The following GFRA3 variants were observed in gnomAD, a reference collection of about 807,000 sequenced individuals.
The protein encoded by GFRA3 is GDNF family receptor alpha-3.
Under a neutral mutation model 40.0 loss-of-function variants are expected in GFRA3, and 24 were observed. The ratio of observed to expected loss-of-function variants is 0.60; its 90% CI spans 0.43 to 0.84. The LOEUF is 0.84. Among genes scored for constraint, GFRA3 ranks in the 40% least tolerant of loss-of-function variants. The pLI is 0.00. For synonymous variants in GFRA3, 203 were observed against 213.5 expected (o/e 0.95, Z 0.43); for missense variants, 405 against 530.6 (o/e 0.76, Z 2.33).
rs775885855 is a variant in GFRA3 at position 138,257,711 on chromosome 5, T to C, written c.713A>G (p.Asn238Ser). Residue 238 changes from asparagine to serine, a missense_variant, in exon 4 of 8, where the codon AAC becomes AGC. Coordinates refer to ENST00000274721, the MANE Select transcript of GFRA3 (RefSeq NM_001496.4). ...GERRRNTIAP[N>S]CALPPVAPNC... is the part of the protein sequence containing the mutation. Reference sequence around the variant, plus strand: ...GGGGGCCACAGGCGGCAGCGCGCAGTTGGGGGCGATGGTGTTGCGCCGGCG... The same window carrying C: ...GGGGGCCACAGGCGGCAGCGCGCAGCTGGGGGCGATGGTGTTGCGCCGGCG... 9 of 1,610,666 alleles carry C rather than the reference T, an allele frequency of 5.6e-6. No homozygotes were observed. Among genetic ancestry groups the C allele is most frequent in the East Asian group, 2.2e-5 (1 of 44,848 alleles).
intron 4 of GFRA3, among the ~76,000 whole-genome samples, chr5:138,256,946 C>CA (rs11439851): frequency 0.64 from 85,498 of 132,974 alleles, 27,772 homozygotes; most frequent in African/African-American, 0.76. Context: ...GACTCTGTCT[C>CA]AAAAAAAAAA....
rs1331655240 is a variant in GFRA3, at chr5:138,259,579, G to C, written c.450C>G (p.Ser150Arg). 8 of 1,546,488 alleles carry C rather than the reference G, an allele frequency of 5.2e-6. No individual in the cohort carries two copies. The highest frequency in any genetic ancestry group is 6.3e-6 in the Non-Finnish European group (7 of 1,118,216). The change falls in exon 3 of 8, where the codon AGC (serine) becomes AGG (arginine). Residue 150 changes from serine to arginine, a missense_variant. Physicochemically the swap from Ser to Arg is moderately radical, Grantham distance 110. Coordinates refer to ENST00000274721, the MANE Select transcript of GFRA3 (RefSeq NM_001496.4). ...CACCTGGTTTGAGCATGTTCAGTTT[G>C]CTGAGATTCATTTTCCAGGGTTTGC... Reference protein sequence around the residue: ...VTSKPWKMNLSKLNMLKPDSD... With the variant: ...VTSKPWKMNLRKLNMLKPDSD...
chr5:138,253,132 G>C, intron 7 of GFRA3, 75 bp from the exon 8 acceptor site: 1 of 903,650 alleles, frequency 1.1e-6, no homozygotes. Flanking sequence ...TCAGTCAAGA[G>C]GTATTCCCCT....
intron 1 of GFRA3, among the ~76,000 whole-genome samples, chr5:138,269,263 G>A (rs552369150): frequency 1.1e-4 from 16 of 152,138 alleles, no homozygotes; most frequent in South Asian, 6.2e-4. Context: ...TAGTCTGGGC[G>A]TGGTGGCTCA....
At chr5:138,261,097 A>G (rs1397179188) in intron 2 of GFRA3, among the ~76,000 whole-genome samples, 1 of 152,210 alleles carries the variant, frequency 6.6e-6, no homozygotes, top group East Asian at 1.9e-4. Flanking sequence ...AATGTGTGTC[A>G]TTGGCTTTGG....
At chr5:138,258,045 G>A in intron 3 of GFRA3, 94 bp from the exon 4 acceptor site, 1 of 958,836 alleles carries the variant, frequency 1.0e-6, no homozygotes, top group Non-Finnish European at 1.7e-6. Flanking sequence ...GATTTGACAA[G>A]AAGGTAGTGG....
Position 138,264,408 on chromosome 5 carries a change from C to A in GFRA3, c.232G>T (p.Glu78Ter). Reference sequence around the variant, plus strand: ...CAGTCAGCAGGGACCGAAGGCTCCTCTGAGGGCAGTGGGGTGCTTATGCTA... The same window carrying A: ...CAGTCAGCAGGGACCGAAGGCTCCTATGAGGGCAGTGGGGTGCTTATGCTA... Reference protein sequence around the residue: ...TSSISTPLPSEEPSVPADCLE... With the variant: ...TSSISTPLPS Residue 78 changes from glutamate (E) to a stop codon, truncating the protein, a stop_gained, in exon 2 of 8, where the codon GAG becomes TAG. Transcript: ENST00000274721. LOFTEE classifies it high-confidence loss of function. 1 of 1,614,122 alleles carries A rather than the reference C, an allele frequency of 6.2e-7. No homozygotes were observed. The highest frequency in any genetic ancestry group is 8.5e-7 in the Non-Finnish European group (1 of 1,180,018).
At position 138,257,670 on chromosome 5, in the gene GFRA3, G is replaced by C; in HGVS notation, c.754C>G (p.Arg252Gly). 1 of 1,608,900 alleles carries C rather than the reference G, an allele frequency of 6.2e-7. No homozygotes were observed. Among genetic ancestry groups the C allele is most frequent in the South Asian group, 1.1e-5 (1 of 90,722 alleles). ...AGCGGGTCGGAGAAGCAGAGGCGCC[G>C]CAGCTCCAGGCAGTTGGGGGCCACA... The part of the protein sequence containing the change: ...PPVAPNCLEL[R>G]RLCFSDPLCR... The change falls in exon 4 of 8, where the codon CGG becomes GGG. Residue 252 changes from arginine (R) to glycine (G), a missense_variant. Physicochemically the swap from Arg to Gly is moderately radical, Grantham distance 125. Coordinates refer to ENST00000274721, the MANE Select transcript of GFRA3 (RefSeq NM_001496.4).
chr5:138,262,557 A>G (rs1755726967), intron 2 of GFRA3, among the ~76,000 whole-genome samples: 1 of 152,046 alleles, frequency 6.6e-6, no homozygotes, highest in African/African-American at 2.4e-5. Flanking sequence ...GACTCAAGTG[A>G]TCCTCCCACC....
intron 2 of GFRA3, among the ~76,000 whole-genome samples, chr5:138,260,018 A>G (rs1001294481): frequency 6.6e-6 from 1 of 152,070 alleles, no homozygotes; most frequent in Non-Finnish European, 1.5e-5. Flanking sequence ...TCGGAAAGAG[A>G]AGTGATTAGG....
intron 1 of GFRA3, among the ~76,000 whole-genome samples, chr5:138,264,847 C>T (rs1755761318): frequency 6.6e-6 from 1 of 152,134 alleles, no homozygotes; most frequent in African/African-American, 2.4e-5. Context: ...AGCCTGATGA[C>T]CCTGACAGGC....
At chr5:138,255,612 G>C (rs542467005) in intron 4 of GFRA3, among the ~76,000 whole-genome samples, 1 of 152,228 alleles carries the variant, frequency 6.6e-6, no homozygotes, top group African/African-American at 2.4e-5. Flanking sequence ...TAAAGAGTAA[G>C]AGTTGGGCAA....
rs566669118 is a variant in GFRA3, at chr5:138,257,434, C to T, written c.785+205G>A. Among the ~76,000 whole-genome samples, 43 of 152,154 alleles carry T rather than the reference C, an allele frequency of 2.8e-4. 1 individual carries two copies. The highest frequency in any genetic ancestry group is 1.4e-3 in the Admixed American group (21 of 15,274). ...TTTTTAAAATACATTTTTATATTTC[C>T]TGAGGTTTTACAGCAAAGAAAAAAA... On this transcript the variant is annotated intron_variant, in intron 4 of 7. Transcript: ENST00000274721.
chr5:138,272,037 G>C (rs1160485456), intron 1 of GFRA3, among the ~76,000 whole-genome samples: 1 of 122,854 alleles, frequency 8.1e-6, no homozygotes, highest in Non-Finnish European at 1.7e-5. Context: ...ACGGAGTCTC[G>C]CTCTGTCACC....
rs564312793 is a variant in GFRA3 at position 138,264,417 on chromosome 5, G to A, written c.223C>T (p.Leu75=). The change falls in exon 2 of 8, where the codon CTG becomes TTG. Residue 75 remains leucine (L), a synonymous_variant. Transcript: ENST00000274721. ...DSCTSSISTP[L]PSEEPSVPAD... is the part of the protein sequence containing the mutation. ...GGGACCGAAGGCTCCTCTGAGGGCA[G>A]TGGGGTGCTTATGCTAGAGGTGCAG... 2.1e-5 allele frequency: 34 copies of A among 1,614,194 alleles called. No homozygotes were observed. The South Asian group carries it at 3.3e-4, about 16-fold the overall frequency.
rs573390799 is a variant in GFRA3 at position 138,273,597 on chromosome 5, G to A, written c.91+737C>T. On this transcript the variant is annotated intron_variant, in intron 1 of 7. Coordinates refer to ENST00000274721, the MANE Select transcript of GFRA3 (RefSeq NM_001496.4). ...GTGGACTGAGGTCTCAGGGCAGTGT[G>A]GTGGTCTCTCTGTCTCAGGAGTCCC... Among the ~76,000 whole-genome samples the A allele has an allele frequency of 5.8e-4, 89 of 152,260 alleles. 1 individual carries two copies. Among genetic ancestry groups the A allele is most frequent in the African/African-American group, 1.6e-3 (66 of 41,560 alleles).
intron 4 of GFRA3, among the ~76,000 whole-genome samples, chr5:138,255,897 C>T (rs1755619136): frequency 8.2e-6 from 1 of 121,616 alleles, no homozygotes; most frequent in African/African-American, 2.9e-5. Flanking sequence ...AAGACTCTGT[C>T]TCAAAAAAAA....
At chr5:138,264,154 A>C in intron 2 of GFRA3, 107 bp downstream of exon 2, 6 of 880,730 alleles carry the variant, frequency 6.8e-6, no homozygotes, top group Non-Finnish European at 1.1e-5. Flanking sequence ...GAGCTTCATT[A>C]TCCTCCTCCT....
chr5:138,257,657 A>G lies in GFRA3; in HGVS notation c.767T>C (p.Phe256Ser), dbSNP rs779731453. Residue 256 changes from phenylalanine (F) to serine (S), a missense_variant, in exon 4 of 8, where the codon TTC (phenylalanine) becomes TCC (serine). Transcript: ENST00000274721. ...TACACACCTGCAAAGCGGGTCGGAG[A>G]AGCAGAGGCGCCGCAGCTCCAGGCA... ...PNCLELRRLC[F>S]SDPLCRSRLV... 20 of 1,609,878 alleles carry G rather than the reference A, an allele frequency of 1.2e-5. No individual in the cohort carries two copies. The South Asian group carries it at 2.0e-4, about 16-fold the overall frequency.
Sources: allele counts gnomAD v4.1 joint callset (sites outside exome capture counted in the v4.1 genomes callset), GRCh38; gene constraint gnomAD v4.1.1; transcripts MANE v1.5; gene names NCBI Gene and HGNC (gene_info 2026-07-23, HGNC 2026-07-21).